Variants in NCALD observed in about 807,000 individuals in gnomAD.
The protein encoded by NCALD is neurocalcin delta, also known as neurocalcin-delta.
A neutral mutation model predicts 18.6 loss-of-function variants in NCALD; 10 were observed. That is an observed-to-expected ratio of 0.54 (90% CI 0.33 to 0.91). The LOEUF is 0.91. Ranked by LOEUF, NCALD falls within the 40% of genes least tolerant of loss-of-function variation. The probability of loss-of-function intolerance (pLI) is 0.03; values close to 1 mark genes in which losing one functional copy is unlikely to be tolerated. For missense variants in NCALD, 184 were observed against 247.6 expected (o/e 0.74, Z 1.72); for synonymous variants, 88 against 87.4 (o/e 1.01, Z -0.04).
chr8:101,864,281 A>G (rs1815667431), intron 4 of NCALD, among the ~76,000 whole-genome samples: 1 of 152,154 alleles, frequency 6.6e-6, no homozygotes, highest in Non-Finnish European at 1.5e-5. Context: ...AAATGTGTCT[A>G]CTCGACACAC....
chr8:101,707,441 C>T (rs915442325), intron 2 of NCALD, among the ~76,000 whole-genome samples: 1 of 152,152 alleles, frequency 6.6e-6, no homozygotes, highest in African/African-American at 2.4e-5. Flanking sequence ...CCCATAGCTC[C>T]CCATCCTCAT....
At chr8:101,968,512 G>A (rs963857707) in intron 2 of NCALD, among the ~76,000 whole-genome samples, 1 of 152,092 alleles carries the variant, frequency 6.6e-6, no homozygotes, top group Non-Finnish European at 1.5e-5. Context: ...TGACACCAAG[G>A]TACTGCCTAG....
At chr8:101,786,124 A>G (rs1812215914) in intron 1 of NCALD, 1 of 152,238 alleles carries the variant, frequency 6.6e-6, no homozygotes, top group African/African-American at 2.4e-5. Flanking sequence ...GTTAGACTGC[A>G]TATTCCATGA....
At chr8:101,724,557 G>A (rs1352214532) in intron 1 of NCALD, among the ~76,000 whole-genome samples, 3 of 152,290 alleles carry the variant, frequency 2.0e-5, no homozygotes. Context: ...TTGATTCCAT[G>A]TGAGAGTTAA....
At chr8:102,107,074 C>T (rs1165544836) in intron 1 of NCALD, among the ~76,000 whole-genome samples, 2 of 150,576 alleles carry the variant, frequency 1.3e-5, no homozygotes, top group Non-Finnish European at 3.0e-5. Context: ...TTCTGAACTG[C>T]TGATGTATGC....
chr8:101,942,018 A>G (rs1011892362), intron 2 of NCALD, among the ~76,000 whole-genome samples: 1 of 152,174 alleles, frequency 6.6e-6, no homozygotes, highest in African/African-American at 2.4e-5. Flanking sequence ...GTAGAATTCC[A>G]TTTGGAGTCA....
intron 4 of NCALD, among the ~76,000 whole-genome samples, chr8:101,835,680 C>T (rs1814381358): frequency 6.6e-6 from 1 of 152,128 alleles, no homozygotes; most frequent in Non-Finnish European, 1.5e-5. Context: ...CTAGAACTTG[C>T]TCATATGGTA....
chr8:102,109,843 G>T (rs1825586674), intron 1 of NCALD, among the ~76,000 whole-genome samples: 1 of 152,080 alleles, frequency 6.6e-6, no homozygotes, highest in African/African-American at 2.4e-5. Context: ...TTAGAAAGAA[G>T]AAAGAATCAC....
intron 2 of NCALD, among the ~76,000 whole-genome samples, chr8:101,700,068 A>G (rs1188471551): frequency 1.3e-5 from 2 of 151,308 alleles, no homozygotes; most frequent in Non-Finnish European, 2.9e-5. Flanking sequence ...TCATTTATTT[A>G]TTTATTTTTT....
intron 2 of NCALD, among the ~76,000 whole-genome samples, chr8:102,009,493 A>G (rs532990656): frequency 1.0e-3 from 158 of 152,304 alleles, no homozygotes; most frequent in African/African-American, 3.7e-3. Flanking sequence ...ATTGGAAGAG[A>G]TTTCTTAGCT....
intron 3 of NCALD, among the ~76,000 whole-genome samples, chr8:101,901,040 C>A (rs1817401434): frequency 6.6e-6 from 1 of 151,950 alleles, no homozygotes; most frequent in African/African-American, 2.4e-5. Context: ...GGTTTGCATG[C>A]AAAATATGTA....
chr8:101,856,653 A>T (rs1282834861), intron 4 of NCALD, among the ~76,000 whole-genome samples: 1 of 152,170 alleles, frequency 6.6e-6, no homozygotes, highest in Non-Finnish European at 1.5e-5. Context: ...GAGCCAATAA[A>T]ATATCCTCTA....
At chr8:102,094,087 C>T (rs1001858452) in intron 1 of NCALD, among the ~76,000 whole-genome samples, 1 of 152,138 alleles carries the variant, frequency 6.6e-6, no homozygotes, top group African/African-American at 2.4e-5. Flanking sequence ...AAGGCATTTC[C>T]TATTGTATAT....
rs144561718 is a variant in NCALD, at chr8:102,086,477, T to C, written c.-210+37760A>G. On this transcript the variant is annotated intron_variant, in intron 1 of 6. Coordinates refer to the NCALD transcript ENST00000311028. ...ACCATCATTATCTCCCAAAGTCAAG[T>C]GGCTCCAAGAATCTGTCCACCTAAA... 5.2e-3 allele frequency among the ~76,000 whole-genome samples: 798 copies of C among 152,286 alleles called. 7 individuals carry two copies. The highest frequency in any genetic ancestry group is 0.018 in the African/African-American group (730 of 41,554).
chr8:102,122,326 T>C (rs1267522242), intron 1 of NCALD, among the ~76,000 whole-genome samples: 2 of 152,186 alleles, frequency 1.3e-5, no homozygotes, highest in African/African-American at 2.4e-5. Context: ...CCCTGGAGTG[T>C]GAATTCTATC....
intron 1 of NCALD, chr8:101,721,419 T>C (rs1257500707): frequency 1.3e-5 from 2 of 152,276 alleles, no homozygotes; most frequent in Non-Finnish European, 1.5e-5. Context: ...AAATGACTGA[T>C]AGGAAGGTAA....
intron 2 of NCALD, among the ~76,000 whole-genome samples, chr8:101,989,513 A>C (rs1422361688): frequency 6.6e-6 from 1 of 152,370 alleles, no homozygotes; most frequent in Non-Finnish European, 1.5e-5. Context: ...GACTTTGTTT[A>C]AAATTATAAT....
intron 1 of NCALD, among the ~76,000 whole-genome samples, chr8:101,733,067 C>T (rs78157224): frequency 0.022 from 3,319 of 152,238 alleles, 129 homozygotes; most frequent in African/African-American, 0.075. Flanking sequence ...CAGAACCATC[C>T]TCTTCACCCT....
chr8:101,792,941 A>G (rs1019076097), upstream of NCALD, among the ~76,000 whole-genome samples: 3 of 152,162 alleles, frequency 2.0e-5, no homozygotes, highest in Non-Finnish European at 4.4e-5. Context: ...AAATGGATTA[A>G]TTTGAAAATT....
Sources: allele counts gnomAD v4.1 joint callset (sites outside exome capture counted in the v4.1 genomes callset), GRCh38; gene constraint gnomAD v4.1.1; transcripts MANE v1.5; gene names NCBI Gene and HGNC (gene_info 2026-07-23, HGNC 2026-07-21).